Variants in VPS53 observed in about 807,000 individuals in gnomAD.
VPS53 encodes VPS53 subunit of GARP complex.
A neutral mutation model predicts 107.0 loss-of-function variants in VPS53; 70 were observed. The observed-to-expected ratio is 0.65, with a 90% CI of 0.54 to 0.80. VPS53 has a LOEUF of 0.80. VPS53 is among the 30% of genes least tolerant of loss of function. VPS53 has a pLI of 0.00. For synonymous variants in VPS53, 409 were observed against 393.3 expected (o/e 1.04, Z -0.47); for missense variants, 917 against 1,049.4 (o/e 0.87, Z 1.74).
chr17:602,935 G>T (rs527998830), intron 11 of VPS53, among the ~76,000 whole-genome samples: 14 of 152,300 alleles, frequency 9.2e-5, no homozygotes, highest in African/African-American at 3.4e-4. Context: ...AGGGAAGGGG[G>T]CAAGGCATGG....
chr17:654,514 A>G (rs1051546418), intron 6 of VPS53, among the ~76,000 whole-genome samples: 45 of 152,120 alleles, frequency 3.0e-4, no homozygotes, highest in Middle Eastern at 6.8e-3. Context: ...CGAGGCGGGC[A>G]GATCACAAGG....
chr17:578,762 G>A (rs981123969), intron 13 of VPS53, among the ~76,000 whole-genome samples: 17 of 151,244 alleles, frequency 1.1e-4, no homozygotes, highest in African/African-American at 3.7e-4. Flanking sequence ...CGATCCCAGA[G>A]AACATCCCTC....
chr17:690,136 G>A (rs1013316507), intron 4 of VPS53, among the ~76,000 whole-genome samples: 7 of 152,200 alleles, frequency 4.6e-5, no homozygotes, highest in Admixed American at 1.3e-4. Flanking sequence ...GACACAGAAG[G>A]CATGTCTGGC....
chr17:556,591 G>C (rs116810174), intron 15 of VPS53, among the ~76,000 whole-genome samples: 50 of 152,316 alleles, frequency 3.3e-4, no homozygotes, highest in African/African-American at 1.2e-3. Flanking sequence ...TGAAGCCACA[G>C]TGTTGAGAGG....
At chr17:626,203 C>T (rs917510367) in intron 10 of VPS53, among the ~76,000 whole-genome samples, 36 of 148,072 alleles carry the variant, frequency 2.4e-4, no homozygotes, top group Non-Finnish European at 4.0e-4. Flanking sequence ...AGTGAGACCC[C>T]GTCTCAAAAA....
intron 13 of VPS53, among the ~76,000 whole-genome samples, chr17:566,563 G>C (rs910939940): frequency 1.3e-5 from 2 of 152,092 alleles, no homozygotes; most frequent in Admixed American, 6.5e-5. Flanking sequence ...TAGGGGATGG[G>C]AATGGAGGGT....
intron 15 of VPS53, among the ~76,000 whole-genome samples, chr17:555,419 A>G (rs1000347536): frequency 2.0e-5 from 3 of 152,074 alleles, no homozygotes; most frequent in Non-Finnish European, 4.4e-5. Flanking sequence ...TGCTGGTCTC[A>G]AACTCCTGAC....
At chr17:612,987 T>A (rs1352452831) in intron 11 of VPS53, among the ~76,000 whole-genome samples, 3 of 147,450 alleles carry the variant, frequency 2.0e-5, no homozygotes, top group African/African-American at 5.1e-5. Context: ...AATATTCACA[T>A]AGTGAGTTCA....
At chr17:532,687 C>T (rs1252532954) in intron 19 of VPS53, 155 bp downstream of exon 19, 43 of 1,410,894 alleles carry the variant, frequency 3.0e-5, no homozygotes, top group Admixed American at 5.9e-5. Context: ...AATGGAAGAA[C>T]GAATTAAGAA....
At chr17:649,864 G>C (rs1166634001) in intron 7 of VPS53, among the ~76,000 whole-genome samples, 1 of 152,216 alleles carries the variant, frequency 6.6e-6, no homozygotes, top group African/African-American at 2.4e-5. Context: ...CATGAGAAAA[G>C]AATCAGCTAG....
At chr17:696,429 T>C (rs1972962694) in intron 4 of VPS53, among the ~76,000 whole-genome samples, 1 of 152,104 alleles carries the variant, frequency 6.6e-6, no homozygotes, top group Non-Finnish European at 1.5e-5. Context: ...AAATTAGCTG[T>C]CCTAAAAAAT....
At chr17:637,514 G>C (rs1238365382) in intron 7 of VPS53, among the ~76,000 whole-genome samples, 2 of 152,126 alleles carry the variant, frequency 1.3e-5, no homozygotes, top group African/African-American at 4.8e-5. Flanking sequence ...TGATGTTAGG[G>C]TGTCAATTTT....
intron 7 of VPS53, among the ~76,000 whole-genome samples, chr17:640,580 C>T (rs73975721): frequency 0.026 from 3,973 of 152,144 alleles, 67 homozygotes; most frequent in East Asian, 0.07. Context: ...AAAGTCACCT[C>T]TTGAGATAGG....
chr17:605,232 A>G (rs939187340), intron 11 of VPS53, among the ~76,000 whole-genome samples: 3 of 152,190 alleles, frequency 2.0e-5, no homozygotes, highest in African/African-American at 7.2e-5. Flanking sequence ...GATGGATTAG[A>G]GAGGCGGCAC....
In VPS53 at chr17:627,550, A is replaced by G. The variant is rs331013; in HGVS notation, c.832-234T>C. ...CCCAGCACTTTGGGAGGCCGAGGTC[A>G]GCAGATCACCTGAGGTCAGTTCGAG... On this transcript the variant is annotated intron_variant, in intron 9 of 21. Coordinates refer to ENST00000437048, the MANE Select transcript of VPS53 (RefSeq NM_001128159.3). 0.84 allele frequency among the ~76,000 whole-genome samples: 128,428 copies of G among 152,112 alleles called. 54,490 individuals carry two copies. The highest frequency in any genetic ancestry group is 0.89 in the African/African-American group (36,743 of 41,488).
intron 4 of VPS53, among the ~76,000 whole-genome samples, chr17:677,553 A>C (rs1378462036): frequency 1.3e-5 from 2 of 152,162 alleles, no homozygotes; most frequent in African/African-American, 4.8e-5. Flanking sequence ...GTGGTTGTAC[A>C]TTATGAATGT....
intron 18 of VPS53, among the ~76,000 whole-genome samples, chr17:533,564 C>T (rs1282139365): frequency 6.6e-6 from 1 of 152,180 alleles, no homozygotes; most frequent in Non-Finnish European, 1.5e-5. Flanking sequence ...CTAGAAGGGG[C>T]TTGTGGGTCA....
At chr17:552,042 T>C (rs1597286025) in intron 16 of VPS53, 92 bp from the exon 17 acceptor site, 2 of 1,224,038 alleles carry the variant, frequency 1.6e-6, no homozygotes, top group East Asian at 5.6e-5. Flanking sequence ...ATCAGATTCA[T>C]CATTTCACTG....
chr17:563,433 C>A (rs1475782905), intron 13 of VPS53, among the ~76,000 whole-genome samples: 1 of 151,816 alleles, frequency 6.6e-6, no homozygotes, highest in Non-Finnish European at 1.5e-5. Flanking sequence ...GTAGCTGGGA[C>A]TACAGGCACA....
Sources: allele counts gnomAD v4.1 joint callset (sites outside exome capture counted in the v4.1 genomes callset), GRCh38; gene constraint gnomAD v4.1.1; transcripts MANE v1.5; gene names NCBI Gene and HGNC (gene_info 2026-07-23, HGNC 2026-07-21).